Variants in NKAIN3 observed in about 807,000 individuals in gnomAD.
NKAIN3 encodes sodium/potassium transporting ATPase interacting 3.
In NKAIN3, 25 loss-of-function variants were observed where a neutral mutation model predicts 30.2. The ratio of observed to expected loss-of-function variants is 0.83; its 90% CI spans 0.60 to 1.16. NKAIN3 has a LOEUF of 1.16. NKAIN3 is among the 50% of genes most tolerant of loss of function. The pLI is 0.00. For missense variants in NKAIN3, 225 were observed against 254.1 expected (o/e 0.89, Z 0.78); for synonymous variants, 91 against 89.6 (o/e 1.02, Z -0.09).
chr8:62,842,695 G>C (rs1264183714), intron 4 of NKAIN3, among the ~76,000 whole-genome samples: 1 of 152,066 alleles, frequency 6.6e-6, no homozygotes, highest in African/African-American at 2.4e-5. Flanking sequence ...AGAAAGCTCA[G>C]TAATAAACTC....
intron 1 of NKAIN3, among the ~76,000 whole-genome samples, chr8:62,427,200 T>A (rs1228783788): frequency 6.6e-6 from 1 of 152,074 alleles, no homozygotes; most frequent in African/African-American, 2.4e-5. Context: ...ACTGTAAATT[T>A]AAATATATCA....
At chr8:62,275,830 C>T (rs527552545) in intron 1 of NKAIN3, among the ~76,000 whole-genome samples, 12 of 152,008 alleles carry the variant, frequency 7.9e-5, no homozygotes, top group South Asian at 4.2e-4. Context: ...TGAATAGTAT[C>T]GACTCTTCTA....
chr8:62,358,239 C>CTT (rs34616447), intron 1 of NKAIN3, among the ~76,000 whole-genome samples: 8,905 of 121,934 alleles, frequency 0.073, 433 homozygotes, highest in Middle Eastern at 0.13. Flanking sequence ...GATCTTATAC[C>CTT]TTTTTTTTTT....
chr8:62,722,634 A>C (rs997349795), intron 3 of NKAIN3, among the ~76,000 whole-genome samples: 2 of 152,180 alleles, frequency 1.3e-5, no homozygotes, highest in Non-Finnish European at 2.9e-5. Flanking sequence ...GTCCATGGAG[A>C]CGTGAAGAGA....
intron 1 of NKAIN3, among the ~76,000 whole-genome samples, chr8:62,456,714 A>C (rs959059291): frequency 6.6e-6 from 1 of 152,196 alleles, no homozygotes; most frequent in Non-Finnish European, 1.5e-5. Flanking sequence ...AACTGATTAT[A>C]CAAGTTTCCA....
intron 1 of NKAIN3, among the ~76,000 whole-genome samples, chr8:62,354,208 T>C (rs778775019): frequency 1.3e-5 from 2 of 152,224 alleles, no homozygotes; most frequent in Non-Finnish European, 1.5e-5. Context: ...ATGGTTTTTG[T>C]TATTTCTAAT....
intron 4 of NKAIN3, among the ~76,000 whole-genome samples, chr8:62,772,284 C>A (rs1817040857): frequency 6.6e-6 from 1 of 152,050 alleles, no homozygotes; most frequent in African/African-American, 2.4e-5. Context: ...GTATGTATAC[C>A]ACATTTTCTT....
intron 4 of NKAIN3, among the ~76,000 whole-genome samples, chr8:62,754,566 ATTCT>A (rs542775108): frequency 9.3e-4 from 141 of 152,312 alleles, no homozygotes; most frequent in African/African-American, 3.2e-3. Context: ...GACAAGTCAC[ATTCT>A]TTAACAAACC....
intron 1 of NKAIN3, among the ~76,000 whole-genome samples, chr8:62,519,293 C>A (rs1386180244): frequency 6.6e-6 from 1 of 152,134 alleles, no homozygotes; most frequent in Non-Finnish European, 1.5e-5. Flanking sequence ...AAGCAGAAAT[C>A]TCATGTCTTC....
At chr8:62,548,646 T>C (rs1372567383) in intron 1 of NKAIN3, among the ~76,000 whole-genome samples, 4 of 142,720 alleles carry the variant, frequency 2.8e-5, no homozygotes, top group Non-Finnish European at 4.6e-5. Context: ...TGTCAGAAAA[T>C]AAAAATTGTG....
rs150035731 is a variant in NKAIN3, at chr8:62,681,527, T to C, written c.274-65405T>C. On this transcript the variant is annotated intron_variant, in intron 3 of 6. Coordinates refer to ENST00000623646, the MANE Select transcript of NKAIN3 (RefSeq NM_001304533.3). ...TACCAGTAAAACTATTCTGGAGTGG[T>C]ATAAGAAAAACCAGACCGTGTGGCC... is the stretch of plus-strand genomic sequence containing the variant. 1.1e-4 allele frequency among the ~76,000 whole-genome samples: 17 copies of C among 152,292 alleles called. No homozygotes were observed. In the East Asian group the frequency reaches 3.3e-3, roughly 29 times the overall value.
chr8:62,889,123 C>CT (rs1821228446), intron 4 of NKAIN3, among the ~76,000 whole-genome samples: 1 of 152,170 alleles, frequency 6.6e-6, no homozygotes, highest in African/African-American at 2.4e-5. Context: ...AAACCCAGCA[C>CT]TTTGGGAGTC....
rs1190763593 is a variant in NKAIN3, at chr8:62,980,602, C to T, written c.*15195C>T. The T allele has an allele frequency of 1.3e-5, 2 of 152,200 alleles. No individual in the cohort carries two copies. The allele number at this position is 152,200 out of a possible 1,614,324, so 9.4% of individuals were successfully genotyped here. A position where few individuals can be genotyped will look rare whatever the true frequency, so the allele number is the denominator to read the frequency against. ...GTTATTACAAACCATAATATTTAACCCATTTCTTCTACTAATATCTTTTAA... is the reference window on the plus strand; with the variant it reads ...GTTATTACAAACCATAATATTTAACTCATTTCTTCTACTAATATCTTTTAA... On this transcript the variant is annotated 3_prime_UTR_variant, in exon 7 of 7. Coordinates refer to ENST00000623646, the MANE Select transcript of NKAIN3 (RefSeq NM_001304533.3).
At chr8:62,478,406 A>G (rs897925463) in intron 1 of NKAIN3, among the ~76,000 whole-genome samples, 3 of 152,206 alleles carry the variant, frequency 2.0e-5, no homozygotes, top group African/African-American at 7.2e-5. Context: ...GGAAGAAAGT[A>G]AAGTCATGCA....
chr8:62,933,895 A>G (rs1385444479), intron 5 of NKAIN3, among the ~76,000 whole-genome samples: 1 of 152,232 alleles, frequency 6.6e-6, no homozygotes, highest in Non-Finnish European at 1.5e-5. Context: ...AACTGAACAG[A>G]CAGTAATTGA....
At position 62,548,333 on chromosome 8, in the gene NKAIN3, T is replaced by A. The variant is rs540164733; in HGVS notation, c.55-31206T>A. Among the ~76,000 whole-genome samples, 52 of 152,338 alleles carry A rather than the reference T, an allele frequency of 3.4e-4. 1 individual carries two copies. The South Asian group carries it at 9.1e-3, about 27-fold the overall frequency. On this transcript the variant is annotated intron_variant, in intron 1 of 6. Transcript: ENST00000623646. ...AGAGATATAATACTTGGAGCATGTG[T>A]TAAGAATGGTAGTGTTGATGAAATG...
chr8:62,879,410 T>C (rs7833677), intron 4 of NKAIN3, among the ~76,000 whole-genome samples: 3,441 of 152,314 alleles, frequency 0.023, 125 homozygotes, highest in African/African-American at 0.079. Flanking sequence ...TTCTGGATAT[T>C]AGCCCTTTTC....
chr8:62,757,500 A>T (rs1816493049), intron 4 of NKAIN3, among the ~76,000 whole-genome samples: 1 of 152,178 alleles, frequency 6.6e-6, no homozygotes, highest in Admixed American at 6.5e-5. Flanking sequence ...GGTTGAATTG[A>T]CGTGGTCCTT....
intron 3 of NKAIN3, among the ~76,000 whole-genome samples, chr8:62,736,552 C>G (rs1815682692): frequency 6.6e-6 from 1 of 152,166 alleles, no homozygotes; most frequent in Non-Finnish European, 1.5e-5. Flanking sequence ...CGCAACAGCA[C>G]CAAGTTTATT....
Sources: allele counts gnomAD v4.1 joint callset (sites outside exome capture counted in the v4.1 genomes callset), GRCh38; gene constraint gnomAD v4.1.1; transcripts MANE v1.5; gene names NCBI Gene and HGNC (gene_info 2026-07-23, HGNC 2026-07-21).